The following IPO7 variants were observed in gnomAD, a reference collection of about 807,000 sequenced individuals.
IPO7 encodes importin-7.
Under a neutral mutation model 136.4 loss-of-function variants are expected in IPO7, and 13 were observed. That is an observed-to-expected ratio of 0.10 (90% CI 0.06 to 0.15). The LOEUF is 0.15. IPO7 is among the 10% of genes least tolerant of loss of function. The pLI is 1.00. For synonymous variants in IPO7, 403 were observed against 404.4 expected, an observed-to-expected ratio of 1.00 and a Z score of 0.04; for missense variants, 857 against 1,240.6, an observed-to-expected ratio of 0.69 and a Z score of 4.65.
intron 1 of IPO7, among the ~76,000 whole-genome samples, chr11:9,388,748 G>A (rs1201854422): frequency 6.6e-6 from 1 of 152,030 alleles, no homozygotes; most frequent in Non-Finnish European, 1.5e-5. Flanking sequence ...CTGGAGTGCA[G>A]TGGGCTCCAC....
intron 12 of IPO7, 63 bp downstream of exon 12, chr11:9,425,325 G>A (rs1375440718): frequency 1.0e-6 from 1 of 973,002 alleles, no homozygotes; most frequent in African/African-American, 1.6e-5. Context: ...TAAATAGCCA[G>A]CCAGGCACAG....
chr11:9,385,463 T>C (rs1041491777), intron 1 of IPO7, among the ~76,000 whole-genome samples: 75 of 152,302 alleles, frequency 4.9e-4, no homozygotes, highest in African/African-American at 1.7e-3. Context: ...GATCCCTGCT[T>C]TTCCGCTGTC....
chr11:9,420,490 C>T lies in IPO7; in HGVS notation c.806C>T (p.Ala269Val). The change falls in exon 7 of 25, where the codon GCA becomes GTA. Residue 269 changes from alanine (A) to valine (V), a missense_variant. Physicochemically the swap from Ala to Val is moderately conservative, Grantham distance 64. This residue lies in a region of IPO7 where 287 missense variants were observed against 307.5 expected (regional missense o/e 0.93). Transcript: ENST00000379719. Reference protein sequence around the residue: ...KCKKWALHILARLFERYGSPG... With the variant: ...KCKKWALHILVRLFERYGSPG... ...AAGAAGTGGGCCTTACATATTTTAG[C>T]AAGACTTTTTGAAAGGTAATCTCAT... 6.2e-7 allele frequency: 1 copy of T among 1,610,712 alleles called. No homozygotes were observed. The highest frequency in any genetic ancestry group is 2.2e-5 in the East Asian group (1 of 44,858).
intron 1 of IPO7, among the ~76,000 whole-genome samples, chr11:9,400,426 AT>A (rs112285427): frequency 0.036 from 5,228 of 146,580 alleles, 239 homozygotes; most frequent in African/African-American, 0.1. Context: ...TAAATAAGTA[AT>A]TTTTTTTTTT....
Position 9,440,597 on chromosome 11 carries a change from C to A in IPO7, c.2838C>A (p.Ser946=). Residue 946 remains serine, a synonymous_variant, in exon 23 of 25, where the codon TCC becomes TCA. Coordinates refer to ENST00000379719, the MANE Select transcript of IPO7 (RefSeq NM_006391.3). ...AAGAGACTGCTCTGGAAGGCTATTCCACAATCATTGATGATGAAGATAACC... is the reference window on the plus strand; with the variant it reads ...AAGAGACTGCTCTGGAAGGCTATTCAACAATCATTGATGATGAAGATAACC... ...DAEETALEGY[S]TIIDDEDNPV... is the part of the protein sequence containing the mutation. The A allele has an allele frequency of 1.2e-6, 2 of 1,613,762 alleles. No individual in the cohort carries two copies. The highest frequency in any genetic ancestry group is 1.7e-6 in the Non-Finnish European group (2 of 1,179,772).
chr11:9,434,456 A>C (rs1855343087), intron 18 of IPO7, among the ~76,000 whole-genome samples: 1 of 152,122 alleles, frequency 6.6e-6, no homozygotes, highest in Admixed American at 6.5e-5. Context: ...AAATCACTTT[A>C]ATAATAGGTT....
At position 9,428,522 on chromosome 11, in the gene IPO7, T is replaced by A. The variant is rs776423174; in HGVS notation, c.1336-18T>A. 3 of 1,081,958 alleles carry A rather than the reference T, an allele frequency of 2.8e-6. No homozygotes were observed. The Admixed American group carries it at 6.5e-5, about 24-fold the overall frequency. 67.0% of individuals were successfully genotyped at this position (1,081,958 alleles called of 1,614,324 possible). On this transcript the variant is annotated intron_variant, in intron 12 of 24. Transcript: ENST00000379719. ...ATATTTGGAACTGTATCAAAATAAC[T>A]GTTGTTTATATTTACAGAAAAAGAT...
chr11:9,425,839 A>T (rs935966457), intron 12 of IPO7, among the ~76,000 whole-genome samples: 3 of 151,072 alleles, frequency 2.0e-5, no homozygotes, highest in African/African-American at 7.3e-5. Context: ...AGATCACGCC[A>T]CTGCAATCCA....
intron 2 of IPO7, among the ~76,000 whole-genome samples, chr11:9,403,865 A>AT (rs1162280646): frequency 4.6e-5 from 7 of 151,840 alleles, no homozygotes; most frequent in East Asian, 1.9e-4. Flanking sequence ...TACATTTTTA[A>AT]TTTTTTTTAT....
rs761350529 is a variant in IPO7 at position 9,408,686 on chromosome 11, A to G, written c.320+47A>G. 9.3e-6 allele frequency: 7 copies of G among 752,342 alleles called. No homozygotes were observed. In the South Asian group the frequency reaches 2.0e-4, roughly 22 times the overall value. 46.6% of individuals were successfully genotyped at this position (752,342 alleles called of 1,614,324 possible). A position where few individuals can be genotyped will look rare whatever the true frequency, so the allele number is the denominator to read the frequency against. On this transcript the variant is annotated intron_variant, in intron 3 of 24. Coordinates refer to ENST00000379719, the MANE Select transcript of IPO7 (RefSeq NM_006391.3). Reference sequence around the variant, plus strand: ...CCATTTCTGCAGGTGTGTAACTTTCAGGGTTTTTTGTTTTTTGGTTTTTTT... The same window carrying G: ...CCATTTCTGCAGGTGTGTAACTTTCGGGGTTTTTTGTTTTTTGGTTTTTTT...
intron 4 of IPO7, among the ~76,000 whole-genome samples, chr11:9,410,855 G>A (rs1026129855): frequency 6.6e-6 from 1 of 152,148 alleles, no homozygotes; most frequent in African/African-American, 2.4e-5. Context: ...TGACTTTATT[G>A]CCAGTCTTAA....
intron 16 of IPO7, 170 bp from the exon 17 acceptor site, chr11:9,433,400 A>G (rs577138496): frequency 2.0e-5 from 11 of 557,162 alleles, no homozygotes; most frequent in East Asian, 1.1e-4. Flanking sequence ...ATTTCATTCT[A>G]TTTTTATCTG....
intron 10 of IPO7, among the ~76,000 whole-genome samples, chr11:9,424,537 A>AGATC (rs1308835045): frequency 2.6e-5 from 4 of 152,200 alleles, no homozygotes; most frequent in Non-Finnish European, 5.9e-5. Context: ...TGAGGTCAGG[A>AGATC]GTTTGAGACC....
intron 12 of IPO7, among the ~76,000 whole-genome samples, chr11:9,425,611 C>T (rs371103044): frequency 1.3e-5 from 2 of 152,162 alleles, no homozygotes; most frequent in East Asian, 3.9e-4. Flanking sequence ...CGTGATGGCT[C>T]ACGCCTGTAA....
intron 20 of IPO7, among the ~76,000 whole-genome samples, chr11:9,436,569 T>C (rs1855371667): frequency 6.6e-6 from 1 of 152,098 alleles, no homozygotes; most frequent in Non-Finnish European, 1.5e-5. Context: ...CTAAGTTTTA[T>C]GGCTACTTTG....
rs1855008847 is a variant in IPO7 at position 9,414,287 on chromosome 11, T to C, written c.512T>C (p.Val171Ala). The C allele has an allele frequency of 1.9e-6, 3 of 1,612,736 alleles. No individual in the cohort carries two copies. The highest frequency in any genetic ancestry group is 2.5e-6 in the Non-Finnish European group (3 of 1,179,674). ...AAACCAGAGGAGCGGAGTCCATTGG[T>C]AGCAGCAATGCAGCATTTTCTGCCA... ...YKKPEERSPL[V>A]AAMQHFLPVL... Residue 171 changes from valine to alanine, a missense_variant, in exon 5 of 25, where the codon GTA (valine) becomes GCA (alanine). Val to Ala is a moderately conservative substitution (Grantham distance 64, BLOSUM62 0). This residue lies in a region of IPO7 where 287 missense variants were observed against 307.5 expected (regional missense o/e 0.93). Coordinates refer to ENST00000379719, the MANE Select transcript of IPO7 (RefSeq NM_006391.3).
At chr11:9,406,889 A>AC (rs1369166197) in intron 2 of IPO7, among the ~76,000 whole-genome samples, 8 of 152,250 alleles carry the variant, frequency 5.3e-5, no homozygotes, top group Non-Finnish European at 1.0e-4. Context: ...AGAAAAAAAA[A>AC]TTATGTTCTT....
At chr11:9,419,304 C>G (rs1055490850) in intron 6 of IPO7, among the ~76,000 whole-genome samples, 2 of 151,698 alleles carry the variant, frequency 1.3e-5, no homozygotes, top group Non-Finnish European at 2.9e-5. Context: ...AATCACAGCA[C>G]TTTGGGAGGC....
At chr11:9,416,003 G>A (rs1855037886) in intron 5 of IPO7, among the ~76,000 whole-genome samples, 1 of 152,154 alleles carries the variant, frequency 6.6e-6, no homozygotes, top group Non-Finnish European at 1.5e-5. Flanking sequence ...ATTGGTTCAA[G>A]TCATACCATT....
Sources: allele counts gnomAD v4.1 joint callset (sites outside exome capture counted in the v4.1 genomes callset), GRCh38; gene constraint gnomAD v4.1.1; regional missense constraint gnomAD v4.1.1; transcripts MANE v1.5; gene names NCBI Gene and HGNC (gene_info 2026-07-23, HGNC 2026-07-21).